The following DGKH variants were observed in gnomAD, a reference collection of about 807,000 sequenced individuals.
DGKH encodes DAG kinase eta.
In DGKH, 90 loss-of-function variants were observed where a neutral mutation model predicts 159.3. The ratio of observed to expected loss-of-function variants is 0.57; its 90% CI spans 0.48 to 0.67. The LOEUF (loss-of-function observed/expected upper bound fraction) is 0.67. Ranked by LOEUF, DGKH falls within the 30% of genes least tolerant of loss-of-function variation. The pLI is 0.00. For missense variants in DGKH, 1,181 were observed against 1,506.1 expected, an observed-to-expected ratio of 0.78 and a Z score of 3.57; for synonymous variants, 536 against 553.8, an observed-to-expected ratio of 0.97 and a Z score of 0.45.
At chr13:42,218,925 A>G (rs545351934) in intron 26 of DGKH, among the ~76,000 whole-genome samples, 1 of 152,298 alleles carries the variant, frequency 6.6e-6, no homozygotes, top group African/African-American at 2.4e-5. Flanking sequence ...TGAAGGAGGG[A>G]GACAGGAAAG....
At chr13:42,194,198 G>A (rs1594183365) in intron 16 of DGKH, among the ~76,000 whole-genome samples, 1 of 152,298 alleles carries the variant, frequency 6.6e-6, no homozygotes, top group East Asian at 1.9e-4. Context: ...AGAGTACAGT[G>A]ATGTGATCAT....
At chr13:42,197,839 G>C (rs1294221683) in intron 17 of DGKH, among the ~76,000 whole-genome samples, 1 of 152,192 alleles carries the variant, frequency 6.6e-6, no homozygotes, top group African/African-American at 2.4e-5. Flanking sequence ...ATTGGGTTGA[G>C]TAGATCATAA....
intron 1 of DGKH, among the ~76,000 whole-genome samples, chr13:42,105,520 A>G (rs564978077): frequency 6.6e-6 from 1 of 152,274 alleles, no homozygotes; most frequent in East Asian, 1.9e-4. Context: ...CCTTTTGGAG[A>G]TGAGTAGTGA....
chr13:42,103,364 A>C (rs9525573), intron 1 of DGKH, among the ~76,000 whole-genome samples: 20,454 of 152,078 alleles, frequency 0.13, 1,579 homozygotes, highest in South Asian at 0.18. Flanking sequence ...AGCATGGTTT[A>C]TTTATTATCT....
intron 1 of DGKH, among the ~76,000 whole-genome samples, chr13:42,067,153 A>C (rs898798627): frequency 6.6e-6 from 1 of 152,172 alleles, no homozygotes; most frequent in Non-Finnish European, 1.5e-5. Flanking sequence ...CAGTGGTTCA[A>C]TATCTGTTAA....
intron 1 of DGKH, among the ~76,000 whole-genome samples, chr13:42,112,595 A>G (rs1268089373): frequency 6.6e-6 from 1 of 152,248 alleles, no homozygotes; most frequent in Non-Finnish European, 1.5e-5. Flanking sequence ...ATCCTGATAC[A>G]CCAAACTGCT....
At chr13:42,155,581 A>G (rs1178685473) in intron 4 of DGKH, 86 bp from the exon 5 acceptor site, 10 of 1,579,130 alleles carry the variant, frequency 6.3e-6, no homozygotes, top group African/African-American at 1.4e-5. Flanking sequence ...TGAAAATTTG[A>G]CCATAACTAT....
In DGKH at chr13:42,069,496, C is replaced by A. The variant is rs1397907278; in HGVS notation, c.192+20531C>A. The A allele has an allele frequency of 3.2e-6, 5 of 1,574,246 alleles. No individual in the cohort carries two copies. The South Asian group carries it at 3.4e-5, about 11-fold the overall frequency. On this transcript the variant is annotated intron_variant, in intron 1 of 29. Transcript: ENST00000337343. ...ATGTTGGAAACTAAATTGAATAGTT[C>A]CTGCAATAAAGGAATGAAAATCAAA...
chr13:42,170,910 T>C (rs144559048), intron 11 of DGKH, among the ~76,000 whole-genome samples: 1 of 145,620 alleles, frequency 6.9e-6, no homozygotes, highest in South Asian at 2.2e-4. Flanking sequence ...GCCAATGCAC[T>C]GAAGCCTGGC....
intron 1 of DGKH, among the ~76,000 whole-genome samples, chr13:42,101,041 A>C (rs543269913): frequency 2.6e-4 from 40 of 152,128 alleles, no homozygotes; most frequent in Non-Finnish European, 5.9e-4. Flanking sequence ...GATCTTTGTG[A>C]TCTGTCTCTA....
Position 42,210,777 on chromosome 13 carries a change from T to G in DGKH, c.3014+12T>G, listed in dbSNP as rs201033910. On this transcript the variant is annotated intron_variant, in intron 24 of 29. Transcript: ENST00000337343. ...GAGCTCATTACTAGGTAGGGGGCTC[T>G]GCTGACTTTTCAGGCTGTGGGAACT... is the stretch of plus-strand genomic sequence containing the variant. 1.9e-6 allele frequency: 3 copies of G among 1,602,622 alleles called. No individual in the cohort carries two copies. Among genetic ancestry groups the G allele is most frequent in the South Asian group, 1.1e-5 (1 of 88,914 alleles).
intron 1 of DGKH, among the ~76,000 whole-genome samples, chr13:42,068,253 T>C (rs1882723134): frequency 6.6e-6 from 1 of 152,130 alleles, no homozygotes; most frequent in Admixed American, 6.5e-5. Context: ...ATACAGAAAA[T>C]ATATTGATTT....
chr13:42,244,630 C>A (rs1400581984), downstream of DGKH, among the ~76,000 whole-genome samples: 2 of 152,080 alleles, frequency 1.3e-5, no homozygotes, highest in African/African-American at 2.4e-5. Flanking sequence ...ACTGGCCGGG[C>A]GCGGTGGCTC....
chr13:42,247,524 C>T (rs772934441), downstream of DGKH, among the ~76,000 whole-genome samples: 10 of 141,938 alleles, frequency 7.0e-5, no homozygotes, highest in Non-Finnish European at 1.2e-4. Context: ...AGCCACTGTG[C>T]CCAGATCTAC....
At chr13:42,115,068 C>G (rs1401118921) in intron 1 of DGKH, among the ~76,000 whole-genome samples, 1 of 152,156 alleles carries the variant, frequency 6.6e-6, no homozygotes, top group African/African-American at 2.4e-5. Context: ...GATATGATTA[C>G]TTATGTGAAG....
intron 1 of DGKH, among the ~76,000 whole-genome samples, chr13:42,122,999 T>C (rs1955105299): frequency 6.6e-6 from 1 of 152,198 alleles, no homozygotes; most frequent in Admixed American, 6.5e-5. Flanking sequence ...CAATAATTTT[T>C]AGCGTTATAA....
At chr13:42,222,057 T>C (rs1957988436) in intron 29 of DGKH, among the ~76,000 whole-genome samples, 2 of 152,214 alleles carry the variant, frequency 1.3e-5, no homozygotes, top group South Asian at 2.1e-4. Flanking sequence ...GAATTGACGA[T>C]AGAGAAAACC....
At chr13:42,108,605 T>G (rs911068868) in intron 1 of DGKH, among the ~76,000 whole-genome samples, 1 of 152,198 alleles carries the variant, frequency 6.6e-6, no homozygotes, top group African/African-American at 2.4e-5. Context: ...GTACTTGAGT[T>G]TCAGGTGGTG....
intron 1 of DGKH, among the ~76,000 whole-genome samples, chr13:42,092,268 T>C (rs1281020873): frequency 6.6e-6 from 1 of 152,238 alleles, no homozygotes; most frequent in Admixed American, 6.5e-5. Context: ...CGTATCAGTA[T>C]ACTGAAGAAA....
Sources: gnomAD v4.1 joint callset for allele counts (sites outside exome capture counted in the v4.1 genomes callset) on GRCh38, gnomAD v4.1.1 for gene constraint, MANE v1.5 for transcripts, NCBI Gene and HGNC (gene_info 2026-07-23, HGNC 2026-07-21) for gene names.